LILRA4: variants seen among roughly 807,000 people sequenced by gnomAD.
LILRA4 encodes leukocyte immunoglobulin like receptor A4.
In LILRA4, 51 loss-of-function variants were observed where a neutral mutation model predicts 49.5. The observed-to-expected ratio is 1.03, with a 90% CI of 0.82 to 1.30. The LOEUF (loss-of-function observed/expected upper bound fraction) is 1.30, where lower values mean the gene tolerates loss of function less well. LILRA4 is among the 50% of genes most tolerant of loss of function. The probability of loss-of-function intolerance (pLI) is 0.00; values close to 1 mark genes in which losing one functional copy is unlikely to be tolerated. For missense variants in LILRA4, 624 were observed against 625.6 expected (o/e 1.00, Z 0.03); for synonymous variants, 272 against 265.6 (o/e 1.02, Z -0.23).
chr19:54,338,222 G>A lies in LILRA4; in HGVS notation c.369C>T (p.Pro123=), dbSNP rs765771161. 2 of 1,611,140 alleles carry A rather than the reference G, an allele frequency of 1.2e-6. No individual in the cohort carries two copies. The highest frequency in any genetic ancestry group is 1.1e-5 in the South Asian group (1 of 90,996). The change falls in exon 4 of 8, where the codon CCC becomes CCT. Residue 123 remains proline (P), a synonymous_variant. Transcript: ENST00000291759. ...CAGGGCTTGGCAGTGCGGACAGGGT[G>A]GGTCTGCTGTAGGCTTTCAAGAGAA... is the stretch of plus-strand genomic sequence containing the variant. ...LELVVTAYSR[P]TLSALPSPVV... is the part of the protein sequence containing the mutation.
rs554663795 is a variant in LILRA4 at position 54,336,832 on chromosome 19, C to T, written c.1255+9G>A. On this transcript the variant is annotated intron_variant, in intron 6 of 7. Transcript: ENST00000291759. ...TTGAGCTCAGAGTGGACAGGGTCAG[C>T]GCCCTCACCTGAGACCACGAGCTCC... 13 of 1,501,956 alleles carry T rather than the reference C, an allele frequency of 8.7e-6. No homozygotes were observed. The highest frequency in any genetic ancestry group is 1.9e-4 in the Middle Eastern group (1 of 5,288). 93.0% of individuals were successfully genotyped at this position (1,501,956 alleles called of 1,614,324 possible). A position where few individuals can be genotyped will look rare whatever the true frequency, so the allele number is the denominator to read the frequency against.
rs2081363052 is a variant in LILRA4 at position 54,339,003 on chromosome 19, A to T, written c.34+57T>A. 3.1e-6 allele frequency: 5 copies of T among 1,611,808 alleles called. No individual in the cohort carries two copies. In the East Asian group the frequency reaches 1.1e-4, roughly 36 times the overall value. ...TGCCCTAATTGACTAAGGCATGGCT[A>T]TGGATTGGGGTCTCTCTCCTAGACT... On this transcript the variant is annotated intron_variant, in intron 1 of 7. Coordinates refer to ENST00000291759, the MANE Select transcript of LILRA4 (RefSeq NM_012276.5).
chr19:54,338,731 C>G (rs1482800594), intron 2 of LILRA4, 51 bp from the exon 3 acceptor site: 1 of 1,589,570 alleles, frequency 6.3e-7, no homozygotes, highest in Non-Finnish European at 8.6e-7. Flanking sequence ...CCCTCAGATC[C>G]CAGCTCTCAG....
Position 54,339,077 on chromosome 19 carries a change from G to A in LILRA4, c.17C>T (p.Thr6Ile), listed in dbSNP as rs200178658. MTLIL[T>I]SLLFFGLSLG... is the part of the protein sequence containing the mutation. ...GATCTCACCAAAGAAGAGCAGGCTTGTGAGAATGAGGGTCATGGCATCTCC... is the reference window on the plus strand; with the variant it reads ...GATCTCACCAAAGAAGAGCAGGCTTATGAGAATGAGGGTCATGGCATCTCC... The change falls in exon 1 of 8, where the codon ACA becomes ATA. Residue 6 changes from threonine (T) to isoleucine (I), a missense_variant. Coordinates refer to ENST00000291759, the MANE Select transcript of LILRA4 (RefSeq NM_012276.5). The A allele has an allele frequency of 1.2e-6, 2 of 1,614,236 alleles. No individual in the cohort carries two copies. The highest frequency in any genetic ancestry group is 1.7e-5 in the Admixed American group (1 of 60,034).
In LILRA4 at chr19:54,334,132, C is replaced by T. The variant is rs1231173905; in HGVS notation, c.1256-167G>A. 1.0e-5 allele frequency: 6 copies of T among 597,392 alleles called. No individual in the cohort carries two copies. The East Asian group carries it at 1.7e-4, about 17-fold the overall frequency. The allele number at this position is 597,392 out of a possible 1,614,324, so 37.0% of individuals were successfully genotyped here. A position where few individuals can be genotyped will look rare whatever the true frequency, so the allele number is the denominator to read the frequency against. On this transcript the variant is annotated intron_variant, in intron 6 of 7. Transcript: ENST00000291759. ...CCTGGTACGTCATTGGGTTTTTCAA[C>T]CTCTCTGTGCTCTGGGAATTCAGAT...
rs775106614 is a variant in LILRA4, at chr19:54,338,453, A to G, written c.298T>C (p.Tyr100His). The G allele has an allele frequency of 6.2e-6, 10 of 1,614,164 alleles. No individual in the cohort carries two copies. In the East Asian group the frequency reaches 2.2e-4, roughly 36 times the overall value. ...WEHAGRYHCY[Y>H]QSPAGWSEPS... ...TCTGACCAGCCTGCAGGGCTCTGAT[A>G]GTAACAGTGATATCGCCCTGCATGT... Residue 100 changes from tyrosine (Y) to histidine (H), a missense_variant, in exon 3 of 8, where the codon TAT becomes CAT. By Grantham distance (83) the Tyr-to-His change is moderately conservative. Transcript: ENST00000291759.
intron 6 of LILRA4, 90 bp downstream of exon 6, chr19:54,336,751 G>A: frequency 6.5e-7 from 1 of 1,527,698 alleles, no homozygotes. Context: ...CAGCAAGTGA[G>A]ACAGACAGAC....
rs1359791798 is a variant in LILRA4, at chr19:54,333,612, T to C, written c.1460A>G (p.Asn487Ser). ...AGGCTCCACCACTCTGAAGGGTGCA[T>C]TGTCCTTTCTGCTGTTTGCCTCCTG... Reference protein sequence around the residue: ...CSQEANSRKDNAPFRVVEPWE... With the variant: ...CSQEANSRKDSAPFRVVEPWE... The change falls in exon 8 of 8, where the codon AAT becomes AGT. Residue 487 changes from asparagine (N) to serine (S), a missense_variant. Coordinates refer to ENST00000291759, the MANE Select transcript of LILRA4 (RefSeq NM_012276.5). The C allele has an allele frequency of 6.2e-7, 1 of 1,614,048 alleles. No homozygotes were observed. Among genetic ancestry groups the C allele is most frequent in the Non-Finnish European group, 8.5e-7 (1 of 1,180,020 alleles).
intron 2 of LILRA4, 27 bp downstream of exon 2, chr19:54,338,839 A>T (rs777344182): frequency 6.2e-7 from 1 of 1,613,674 alleles, no homozygotes; most frequent in Non-Finnish European, 8.5e-7. Flanking sequence ...AGGAGGAGGG[A>T]CCTAGGACAG....
At chr19:54,337,899 C>A in intron 4 of LILRA4, 37 bp downstream of exon 4, 2 of 1,577,492 alleles carry the variant, frequency 1.3e-6, no homozygotes, top group Non-Finnish European at 8.6e-7. Flanking sequence ...CACCTGGTGC[C>A]CTGACTTTGT....
In LILRA4 at chr19:54,337,647, G is replaced by T; in HGVS notation, c.705C>A (p.Thr235=). Residue 235 remains threonine, a synonymous_variant, in exon 5 of 8, where the codon ACC becomes ACA. Coordinates refer to ENST00000291759, the MANE Select transcript of LILRA4 (RefSeq NM_012276.5). Reference sequence around the variant, plus strand: ...ACTGGAGGGTCAGATTCTCTCCGGGGGTCACGACAGGGCCCTGCAGGGTCA... The same window carrying T: ...ACTGGAGGGTCAGATTCTCTCCGGGTGTCACGACAGGGCCCTGCAGGGTCA... The part of the protein sequence containing the change: ...SLLTLQGPVV[T]PGENLTLQCG... The T allele has an allele frequency of 6.2e-7, 1 of 1,613,570 alleles. No homozygotes were observed. The highest frequency in any genetic ancestry group is 8.5e-7 in the Non-Finnish European group (1 of 1,179,864).
In LILRA4 at chr19:54,337,490, A is replaced by G. The variant is rs1601228230; in HGVS notation, c.862T>C (p.Ser288Pro). ...ANFTLSPVSR[S>P]YGGQYRCYGA... ...TAGCATCTGTACTGGCCCCCGTAGG[A>G]GCGGCTCACAGGGCTCAGGGTGAAG... is the stretch of plus-strand genomic sequence containing the variant. Residue 288 changes from serine to proline, a missense_variant, in exon 5 of 8, where the codon TCC becomes CCC. Physicochemically the swap from Ser to Pro is moderately conservative, Grantham distance 74 (BLOSUM62 -1). Transcript: ENST00000291759. 1.9e-6 allele frequency: 3 copies of G among 1,612,330 alleles called. No homozygotes were observed. Among genetic ancestry groups the G allele is most frequent in the Non-Finnish European group, 2.5e-6 (3 of 1,179,794 alleles).
chr19:54,338,296 A>C, intron 3 of LILRA4, 61 bp from the exon 4 acceptor site: 1 of 1,592,188 alleles, frequency 6.3e-7, no homozygotes, highest in Non-Finnish European at 8.6e-7. Context: ...ACCTTATCCT[A>C]CAAGGCTGGG....
chr19:54,334,668 G>A (rs2081303957), intron 6 of LILRA4: 1 of 151,918 alleles, frequency 6.6e-6, no homozygotes, highest in Non-Finnish European at 1.5e-5. Context: ...CGAACTTAAA[G>A]TAAAATAAAA....
In LILRA4 at chr19:54,333,262, T is replaced by G. The variant is rs2081289391; in HGVS notation, c.*310A>C. ...GAAGAGATAGTCCCAGTAATACACA[T>G]TAGAAAATGCAGTAGTTAGAAATAA... On this transcript the variant is annotated 3_prime_UTR_variant, in exon 8 of 8. Coordinates refer to ENST00000291759, the MANE Select transcript of LILRA4 (RefSeq NM_012276.5). The G allele has an allele frequency of 2.4e-6, 1 of 424,876 alleles. No homozygotes were observed. The highest frequency in any genetic ancestry group is 4.2e-6 in the Non-Finnish European group (1 of 239,306). 26.3% of individuals were successfully genotyped at this position (424,876 alleles called of 1,614,324 possible).
In LILRA4 at chr19:54,335,494, T is replaced by TTTGTTTGC. The variant is rs375984362; in HGVS notation, c.1255+1346_1255+1347insGCAAACAA. ...TAAATTACCCAGTCTCAGGTAGGTTTTTGTTTGTTTGTTTGTTTGTTTTTG... is the reference window on the plus strand; with the variant it reads ...TAAATTACCCAGTCTCAGGTAGGTTTTTGTTTGCTTGTTTGTTTGTTTGTTTGTTTTTG... On this transcript the variant is annotated intron_variant, in intron 6 of 7. Transcript: ENST00000291759. The TTTGTTTGC allele has an allele frequency of 5.9e-4, 61 of 103,876 alleles. 2 individuals are homozygous for TTTGTTTGC. The South Asian group carries it at 0.018, about 30-fold the overall frequency. 6.4% of individuals were successfully genotyped at this position (103,876 alleles called of 1,614,324 possible).
Position 54,337,464 on chromosome 19 carries a change from G to C in LILRA4, c.888C>G (p.Tyr296Ter). Residue 296 changes from tyrosine to a stop codon, truncating the protein, a stop_gained, in exon 5 of 8, where the codon TAC becomes TAG. Coordinates refer to ENST00000291759, the MANE Select transcript of LILRA4 (RefSeq NM_012276.5). LOFTEE classifies it high-confidence loss of function. ...ACTCGGAGGAGACGTTGTGTGCGCC[G>C]TAGCATCTGTACTGGCCCCCGTAGG... ...SRSYGGQYRC[Y>*]GAHNVSSEWS... 1 of 1,612,146 alleles carries C rather than the reference G, an allele frequency of 6.2e-7. No homozygotes were observed. Among genetic ancestry groups the C allele is most frequent in the South Asian group, 1.1e-5 (1 of 91,006 alleles).
At chr19:54,338,940 C>G (rs369255909) in intron 1 of LILRA4, 39 bp from the exon 2 acceptor site, 13 of 1,613,956 alleles carry the variant, frequency 8.1e-6, no homozygotes, top group Admixed American at 6.7e-5. Context: ...GCCTCCGAAG[C>G]CTGAGCAGGT....
rs1482830190 is a variant in LILRA4, at chr19:54,338,031, A to G, written c.560T>C (p.Phe187Ser). ...GCATCTGAATGTACCCCTGTTGCTG[A>G]AGGTCAGGGGGCCCATGGGGAACAG... is the stretch of plus-strand genomic sequence containing the variant. ...QALFPMGPLT[F>S]SNRGTFRCYG... Residue 187 changes from phenylalanine (F) to serine (S), a missense_variant, in exon 4 of 8, where the codon TTC (phenylalanine) becomes TCC (serine). Transcript: ENST00000291759. 1 of 1,613,994 alleles carries G rather than the reference A, an allele frequency of 6.2e-7. No individual in the cohort carries two copies. The highest frequency in any genetic ancestry group is 1.1e-5 in the South Asian group (1 of 91,070).
Sources: gnomAD v4.1 joint callset for allele counts on GRCh38, gnomAD v4.1.1 for gene constraint, MANE v1.5 for transcripts, NCBI Gene and HGNC (gene_info 2026-07-23, HGNC 2026-07-21) for gene names.